SHPRH: variants seen among roughly 807,000 people sequenced by gnomAD.
SHPRH encodes the protein SNF2 histone linker PHD RING helicase, also known as E3 ubiquitin-protein ligase SHPRH.
Under a neutral mutation model 202.5 loss-of-function variants are expected in SHPRH, and 106 were observed. That is an observed-to-expected ratio of 0.52 (90% CI 0.45 to 0.62). The LOEUF (loss-of-function observed/expected upper bound fraction) is 0.62. SHPRH is among the 20% of genes least tolerant of loss of function. The pLI is 0.00. For missense variants in SHPRH, 1,710 were observed against 2,020.0 expected, an observed-to-expected ratio of 0.85 and a Z score of 2.94; for synonymous variants, 729 against 686.0, an observed-to-expected ratio of 1.06 and a Z score of -0.98.
intron 14 of SHPRH, 126 bp downstream of exon 14, chr6:145,932,931 G>T: frequency 9.3e-7 from 1 of 1,075,400 alleles, no homozygotes; most frequent in Non-Finnish European, 1.3e-6. Flanking sequence ...ACTATATTCA[G>T]TAGTGTGTGA....
intron 22 of SHPRH, chr6:145,918,804 C>G (rs569292953): frequency 1.3e-5 from 2 of 152,294 alleles, no homozygotes; most frequent in Admixed American, 6.6e-5. Context: ...AGGCACTAAA[C>G]AAATAAGGAA....
chr6:145,901,554 G>T (rs1416314961), intron 25 of SHPRH, among the ~76,000 whole-genome samples: 1 of 152,106 alleles, frequency 6.6e-6, no homozygotes, highest in Non-Finnish European at 1.5e-5. Flanking sequence ...TGTTAACACA[G>T]TATGAACATT....
At chr6:145,934,656 C>G (rs1785871140) in intron 13 of SHPRH, among the ~76,000 whole-genome samples, 1 of 150,830 alleles carries the variant, frequency 6.6e-6, no homozygotes, top group Non-Finnish European at 1.5e-5. Flanking sequence ...GAGTGAGACC[C>G]CGTCTCAAAA....
downstream of SHPRH, among the ~76,000 whole-genome samples, chr6:145,863,870 C>A (rs1375161399): frequency 1.3e-5 from 2 of 152,132 alleles, no homozygotes; most frequent in African/African-American, 4.8e-5. Flanking sequence ...GACTGAGACT[C>A]GGTAGGATAT....
intron 23 of SHPRH, among the ~76,000 whole-genome samples, chr6:145,914,058 G>T (rs986012451): frequency 6.6e-6 from 1 of 151,906 alleles, no homozygotes; most frequent in African/African-American, 2.4e-5. Context: ...TTACTATGTT[G>T]TCCACTTTTC....
Position 145,950,352 on chromosome 6 carries a change from A to G in SHPRH, c.894T>C (p.Pro298=). ...TQSIQVDVQH[P]ALIPVLRPYQ... is the part of the protein sequence containing the mutation. ...AGGGTCTCAACACAGGGATCAATGC[A>G]GGATGCTGGACATCCACTTGGATGG... The change falls in exon 4 of 30, where the codon CCT becomes CCC. Residue 298 remains proline, a synonymous_variant. Coordinates refer to ENST00000275233, the MANE Select transcript of SHPRH (RefSeq NM_001042683.3). 6.2e-7 allele frequency: 1 copy of G among 1,613,274 alleles called. No individual in the cohort carries two copies. Among genetic ancestry groups the G allele is most frequent in the Non-Finnish European group, 8.5e-7 (1 of 1,179,442 alleles).
intron 25 of SHPRH, among the ~76,000 whole-genome samples, chr6:145,899,683 G>A (rs937861875): frequency 3.3e-5 from 5 of 152,212 alleles, no homozygotes; most frequent in African/African-American, 1.2e-4. Flanking sequence ...AAGTTAACAA[G>A]CTTCTGCACA....
rs1196434860 is a variant in SHPRH at position 145,954,723 on chromosome 6, G to C, written c.600C>G (p.Leu200=). The C allele has an allele frequency of 1.3e-6, 2 of 1,593,706 alleles. No homozygotes were observed. The highest frequency in any genetic ancestry group is 1.4e-5 in the African/African-American group (1 of 73,260). Residue 200 remains leucine (L), a synonymous_variant, in exon 2 of 30, where the codon CTC becomes CTG. Coordinates refer to ENST00000275233, the MANE Select transcript of SHPRH (RefSeq NM_001042683.3). The part of the protein sequence containing the change: ...GWLQKKRRIK[L]YQKPEGNHII... Reference sequence around the variant, plus strand: ...TGTGATTTCCTTCTGGTTTCTGATAGAGTTTTATTCTTCTCTTCTTTTGTA... The same window carrying C: ...TGTGATTTCCTTCTGGTTTCTGATACAGTTTTATTCTTCTCTTCTTTTGTA...
rs747579273 is a variant in SHPRH at position 145,948,377 on chromosome 6, A to C, written c.983-27T>G. On this transcript the variant is annotated intron_variant, in intron 4 of 29. Coordinates refer to ENST00000275233, the MANE Select transcript of SHPRH (RefSeq NM_001042683.3). ...TAAAGAAAAATATAATCATAATAAC[A>C]AATTTTTGTTTTCCCTTCAGTCAGA... 3.8e-6 allele frequency: 6 copies of C among 1,572,460 alleles called. No homozygotes were observed. In the Admixed American group the frequency reaches 9.1e-5, roughly 24 times the overall value.
chr6:145,952,934 A>C (rs897990875), intron 2 of SHPRH, among the ~76,000 whole-genome samples: 1 of 152,126 alleles, frequency 6.6e-6, no homozygotes, highest in African/African-American at 2.4e-5. Context: ...ACCTTGATTA[A>C]TGTTAATATT....
At chr6:145,936,978 C>CTTT (rs1206387630) in intron 11 of SHPRH, among the ~76,000 whole-genome samples, 130 of 125,640 alleles carry the variant, frequency 1.0e-3, no homozygotes, top group Non-Finnish European at 1.5e-3. Flanking sequence ...CATGCTTCAT[C>CTTT]TTTTTTTTTT....
chr6:145,935,116 A>G lies in SHPRH; in HGVS notation c.2781T>C (p.Ser927=). 6.2e-7 allele frequency: 1 copy of G among 1,613,778 alleles called. No individual in the cohort carries two copies. Among genetic ancestry groups the G allele is most frequent in the Non-Finnish European group, 8.5e-7 (1 of 1,179,930 alleles). ...QTEEIHWLHF[S]PVERHFYHRQ... ...GGTGATAGAAATGCCTTTCCACTGG[A>G]GAAAAGTGGAGCCAGTGTATTTCTT... Residue 927 remains serine (S), a synonymous_variant, in exon 13 of 30, where the codon TCT becomes TCC. Coordinates refer to ENST00000275233, the MANE Select transcript of SHPRH (RefSeq NM_001042683.3).
chr6:145,958,543 C>T (rs1582841629), intron 1 of SHPRH, among the ~76,000 whole-genome samples: 1 of 152,112 alleles, frequency 6.6e-6, no homozygotes, highest in Non-Finnish European at 1.5e-5. Flanking sequence ...AAGGTCTATC[C>T]TCCTTCCCTG....
chr6:145,949,927 GGTCA>G (rs1317078091), intron 4 of SHPRH, among the ~76,000 whole-genome samples: 1 of 151,956 alleles, frequency 6.6e-6, no homozygotes, highest in African/African-American at 2.4e-5. Flanking sequence ...TCTTGCAGAT[GGTCA>G]GTAAGATTCC....
At chr6:145,870,350 C>T (rs1420879455) in intron 2 of SHPRH, among the ~76,000 whole-genome samples, 3 of 150,170 alleles carry the variant, frequency 2.0e-5, no homozygotes, top group African/African-American at 7.4e-5. Flanking sequence ...CAAGCTCTGC[C>T]TCCCGGGTTC....
chr6:145,869,403 A>C (rs1014572492), intron 2 of SHPRH, among the ~76,000 whole-genome samples: 4 of 152,202 alleles, frequency 2.6e-5, no homozygotes, highest in African/African-American at 9.6e-5. Flanking sequence ...GTAGTCAAAA[A>C]GTCATTGCCA....
intron 1 of SHPRH, among the ~76,000 whole-genome samples, chr6:145,963,150 A>T (rs1478041011): frequency 6.6e-6 from 1 of 152,256 alleles, no homozygotes; most frequent in African/African-American, 2.4e-5. Context: ...TATCGAGCAC[A>T]GACATAATCA....
intron 2 of SHPRH, 50 bp downstream of exon 2, chr6:145,954,640 A>G (rs750083465): frequency 5.3e-6 from 8 of 1,509,754 alleles, no homozygotes; most frequent in Non-Finnish European, 6.2e-6. Flanking sequence ...TTAAAATTGG[A>G]CTGCCAATGT....
chr6:145,880,693 G>A (rs1780521927), downstream of SHPRH, among the ~76,000 whole-genome samples: 1 of 150,568 alleles, frequency 6.6e-6, no homozygotes, highest in South Asian at 2.1e-4. Context: ...CACATGCAAA[G>A]CAAGCCTGGC....
Sources: gnomAD v4.1 joint callset for allele counts (sites outside exome capture counted in the v4.1 genomes callset) on GRCh38, gnomAD v4.1.1 for gene constraint, MANE v1.5 for transcripts, NCBI Gene and HGNC (gene_info 2026-07-23, HGNC 2026-07-21) for gene names.